Variants in PRKCH observed in about 807,000 individuals in gnomAD.
The protein encoded by PRKCH is protein kinase C eta.
A neutral mutation model predicts 82.5 loss-of-function variants in PRKCH; 28 were observed. That is an observed-to-expected ratio of 0.34 (90% CI 0.25 to 0.47). The LOEUF is 0.47. Ranked by LOEUF, PRKCH falls within the 20% of genes least tolerant of loss-of-function variation. PRKCH has a pLI of 1.00. For synonymous variants in PRKCH, 322 were observed against 327.4 expected (o/e 0.98, Z 0.18); for missense variants, 705 against 881.8 (o/e 0.80, Z 2.54).
intron 1 of PRKCH, among the ~76,000 whole-genome samples, chr14:61,256,859 GCCTCA>G (rs2045002270): frequency 6.6e-6 from 1 of 152,168 alleles, no homozygotes; most frequent in Non-Finnish European, 1.5e-5. Context: ...TCACTTAGCA[GCCTCA>G]AGAGAGAAAA....
At chr14:61,262,052 T>C (rs567502503) in intron 1 of PRKCH, among the ~76,000 whole-genome samples, 7 of 151,868 alleles carry the variant, frequency 4.6e-5, no homozygotes, top group African/African-American at 1.7e-4. Context: ...AAACCCCATC[T>C]CTACTAAAAA....
chr14:61,363,853 G>C (rs2046262366), intron 1 of PRKCH, among the ~76,000 whole-genome samples: 1 of 151,340 alleles, frequency 6.6e-6, no homozygotes, highest in Admixed American at 6.6e-5. Context: ...TGGGTCTGGA[G>C]GTAGAATCTG....
rs1411803758 is a variant in PRKCH at position 61,280,870 on chromosome 14, G to C, written c.-19+93202G>C. The C allele has an allele frequency of 1.1e-5, 18 of 1,566,262 alleles. No individual in the cohort carries two copies. Among genetic ancestry groups the C allele is most frequent in the Non-Finnish European group, 1.5e-5 (17 of 1,164,046 alleles). On this transcript the variant is annotated intron_variant, in intron 1 of 3. Transcript: ENST00000555185. This position sits in a 1 kb window ranked among gnomAD's most constrained non-coding sequence, Gnocchi z 5.0. ...GGGCAGCGAGAAGTACCAGGCGCAC[G>C]AGCAGGGGGGCGGCAGCGCCCGGCC... is the stretch of plus-strand genomic sequence containing the variant.
intron 1 of PRKCH, among the ~76,000 whole-genome samples, chr14:61,325,231 C>T (rs1014268770): frequency 2.0e-5 from 3 of 152,014 alleles, no homozygotes; most frequent in Non-Finnish European, 4.4e-5. Flanking sequence ...GTAACATGAC[C>T]GTAATCAAGA....
chr14:61,512,853 A>T (rs767743113), intron 10 of PRKCH, among the ~76,000 whole-genome samples: 3 of 152,036 alleles, frequency 2.0e-5, no homozygotes, highest in African/African-American at 7.3e-5. Flanking sequence ...GGAGACATGG[A>T]TCCTGTTCTG....
chr14:61,210,754 TTCTCTCTC>T (rs57385240), intron 1 of PRKCH, among the ~76,000 whole-genome samples: 2,057 of 144,300 alleles, frequency 0.014, 18 homozygotes, highest in Middle Eastern at 0.021. Context: ...CAAGAGTCCT[TTCTCTCTC>T]TCTCTCTCTC....
chr14:61,455,058 C>T (rs1884696207), intron 7 of PRKCH, among the ~76,000 whole-genome samples: 1 of 150,080 alleles, frequency 6.7e-6, no homozygotes, highest in South Asian at 2.1e-4. Context: ...GAGACGGAGT[C>T]TGGCTCTGTC....
intron 2 of PRKCH, among the ~76,000 whole-genome samples, chr14:61,414,588 C>A (rs1323372674): frequency 7.8e-6 from 1 of 128,310 alleles, no homozygotes; most frequent in Non-Finnish European, 1.7e-5. Context: ...TTCATTTATT[C>A]TTTTTTTTTT....
chr14:61,269,259 A>T (rs970462907), intron 1 of PRKCH, among the ~76,000 whole-genome samples: 2 of 152,222 alleles, frequency 1.3e-5, no homozygotes, highest in African/African-American at 2.4e-5. Context: ...TTAATGATAA[A>T]TTTTTTGATC....
intron 1 of PRKCH, among the ~76,000 whole-genome samples, chr14:61,206,753 T>C (rs923985389): frequency 8.6e-5 from 13 of 151,632 alleles, no homozygotes. Context: ...AGGGGAGCAA[T>C]GGGGAGTAAT....
chr14:61,226,927 C>T (rs1479216410), intron 1 of PRKCH, among the ~76,000 whole-genome samples: 1 of 152,112 alleles, frequency 6.6e-6, no homozygotes, highest in East Asian at 1.9e-4. Flanking sequence ...TCTCTCAGAT[C>T]TCCTTGGCTG....
chr14:61,425,917 G>A (rs899804731), intron 2 of PRKCH, among the ~76,000 whole-genome samples: 4 of 152,124 alleles, frequency 2.6e-5, no homozygotes, highest in African/African-American at 4.8e-5. Context: ...GGTTTTATAA[G>A]GGGCTCTTCT....
chr14:61,421,721 A>G (rs558213799), intron 2 of PRKCH, among the ~76,000 whole-genome samples: 39 of 152,302 alleles, frequency 2.6e-4, no homozygotes, highest in African/African-American at 9.4e-4. Context: ...TTTCACTGCT[A>G]CTTGTATGCT....
chr14:61,484,167 G>T (rs1351601360), intron 9 of PRKCH, among the ~76,000 whole-genome samples: 1 of 152,118 alleles, frequency 6.6e-6, no homozygotes, highest in East Asian at 1.9e-4. Flanking sequence ...TCATCCTGTG[G>T]GCCTTAGCTC....
chr14:61,417,321 CATT>C (rs1234912205), intron 2 of PRKCH, among the ~76,000 whole-genome samples: 1 of 152,150 alleles, frequency 6.6e-6, no homozygotes, highest in Admixed American at 6.5e-5. Flanking sequence ...TTTGAGCTCT[CATT>C]GTTGGTCTAA....
chr14:61,394,378 C>G (rs1455259397), intron 2 of PRKCH, among the ~76,000 whole-genome samples: 1 of 152,014 alleles, frequency 6.6e-6, no homozygotes, highest in Non-Finnish European at 1.5e-5. Flanking sequence ...CTGTTCCTAG[C>G]CTAGTCAAAT....
At chr14:61,198,350 C>T (rs1025935131) in intron 1 of PRKCH, among the ~76,000 whole-genome samples, 5 of 152,234 alleles carry the variant, frequency 3.3e-5, no homozygotes, top group East Asian at 3.9e-4. Context: ...CAAACATGAC[C>T]GGTTCTTCCA....
chr14:61,314,551 T>C (rs1326116343), intron 1 of PRKCH, among the ~76,000 whole-genome samples: 1 of 152,232 alleles, frequency 6.6e-6, no homozygotes, highest in East Asian at 1.9e-4. Context: ...TACAAAGTGT[T>C]ACTAACTTGA....
chr14:61,349,633 T>A (rs2046044124), intron 1 of PRKCH, among the ~76,000 whole-genome samples: 1 of 151,898 alleles, frequency 6.6e-6, no homozygotes, highest in East Asian at 1.9e-4. Flanking sequence ...GAGGCCGAGG[T>A]GGGTGGATTA....
Sources: allele counts gnomAD v4.1 joint callset (sites outside exome capture counted in the v4.1 genomes callset), GRCh38; gene constraint gnomAD v4.1.1; non-coding constraint Gnocchi (gnomAD v3.1); transcripts MANE v1.5; gene names NCBI Gene and HGNC (gene_info 2026-07-23, HGNC 2026-07-21).